Variants in KLF6 observed in about 807,000 individuals in gnomAD.
KLF6 encodes KLF transcription factor 6.
For missense variants in KLF6, 233 were observed against 359.8 expected (o/e 0.65, Z 2.85); for synonymous variants, 152 against 147.9 (o/e 1.03, Z -0.20).
chr10:3,779,271 T>C lies in KLF6; in HGVS notation c.*268A>G, dbSNP rs970537756. The C allele has an allele frequency of 3.2e-6, 2 of 628,634 alleles. No homozygotes were observed. Among genetic ancestry groups the C allele is most frequent in the South Asian group, 3.0e-5 (2 of 65,998 alleles). The allele number at this position is 628,634 out of a possible 1,614,324, so 38.9% of individuals were successfully genotyped here. A position where few individuals can be genotyped will look rare whatever the true frequency, so the allele number is the denominator to read the frequency against. ...AACCCAACCATTAGCATTCTCAGTG[T>C]GCATGCTCACGGCAAAGGCTTAGGC... On this transcript the variant is annotated 3_prime_UTR_variant, in exon 4 of 4. Transcript: ENST00000497571.
intron 1 of KLF6, 128 bp downstream of exon 1, chr10:3,784,785 C>T (rs1832612967): frequency 2.3e-6 from 2 of 858,004 alleles, no homozygotes; most frequent in East Asian, 3.3e-5. Flanking sequence ...GGGCGCTGCG[C>T]CCGCTCCCCC....
rs113758255 is a variant in KLF6 at position 3,781,711 on chromosome 10, G to A, written c.606C>T (p.Cys202=). The A allele has an allele frequency of 2.5e-5, 41 of 1,613,996 alleles. No individual in the cohort carries two copies. Among genetic ancestry groups the A allele is most frequent in the Admixed American group, 5.0e-5 (3 of 59,998 alleles). ...AAACTTTCCTGCAGCCGTTAAAGTG[G>A]CACCGGTGCACCCTCCTCCTGCCGT... The part of the protein sequence containing the change: ...SPDGRRRVHR[C]HFNGCRKVYT... Residue 202 remains cysteine, a synonymous_variant, in exon 2 of 4, where the codon TGC becomes TGT. Coordinates refer to ENST00000497571, the MANE Select transcript of KLF6 (RefSeq NM_001300.6). The surrounding 1 kb of genome is among the most constrained non-coding windows in gnomAD (Gnocchi z 5.8).
Position 3,778,384 on chromosome 10 carries a change from C to G in KLF6, c.*1155G>C, listed in dbSNP as rs987057140. The G allele has an allele frequency of 1.9e-6, 1 of 524,628 alleles. No individual in the cohort carries two copies. The highest frequency in any genetic ancestry group is 3.7e-6 in the Non-Finnish European group (1 of 270,330). 32.5% of individuals were successfully genotyped at this position (524,628 alleles called of 1,614,324 possible). Reference sequence around the variant, plus strand: ...AGAGAAACATAGCTGCATGAGAAAACAGTTTCTAAGCGTTAGTGGTTTTAT... The same window carrying G: ...AGAGAAACATAGCTGCATGAGAAAAGAGTTTCTAAGCGTTAGTGGTTTTAT... On this transcript the variant is annotated 3_prime_UTR_variant, in exon 4 of 4. Transcript: ENST00000497571.
At position 3,779,540 on chromosome 10, in the gene KLF6, C is replaced by T. The variant is rs758207310; in HGVS notation, c.851G>A (p.Ter284=). The change falls in exon 4 of 4, where the codon TGA becomes TAA. Residue 284 remains the stop codon, a stop_retained_variant. Coordinates refer to ENST00000497571, the MANE Select transcript of KLF6 (RefSeq NM_001300.6). The part of the protein sequence containing the change: ...HLALHMKRHL[*] ...TACAGGATCCACCTCTCTGCTCCCT[C>T]AGAGGTGCCTCTTCATGTGCAGGGC... The T allele has an allele frequency of 5.0e-6, 8 of 1,613,592 alleles. No individual in the cohort carries two copies. The South Asian group carries it at 6.6e-5, about 13-fold the overall frequency.
At position 3,781,566 on chromosome 10, in the gene KLF6, C is replaced by T. The variant is rs560902244; in HGVS notation, c.676+75G>A. ...TGACCACATCCTGTGCAGCCAGGCC[C>T]GGCTCCCTCCAGGGCTGGTGCAATG... On this transcript the variant is annotated intron_variant, in intron 2 of 3. Coordinates refer to ENST00000497571, the MANE Select transcript of KLF6 (RefSeq NM_001300.6). The surrounding 1 kb of genome is among the most constrained non-coding windows in gnomAD (Gnocchi z 5.8). The T allele has an allele frequency of 5.7e-6, 9 of 1,586,148 alleles. No individual in the cohort carries two copies. Among genetic ancestry groups the T allele is most frequent in the African/African-American group, 2.7e-5 (2 of 74,118 alleles).
rs1403309488 is a variant in KLF6 at position 3,778,011 on chromosome 10, G to A, written c.*1528C>T. 1 of 506,602 alleles carries A rather than the reference G, an allele frequency of 2.0e-6. No homozygotes were observed. Among genetic ancestry groups the A allele is most frequent in the Admixed American group, 2.3e-5 (1 of 44,016 alleles). 31.4% of individuals were successfully genotyped at this position (506,602 alleles called of 1,614,324 possible). On this transcript the variant is annotated 3_prime_UTR_variant, in exon 4 of 4. Transcript: ENST00000497571. ...GTGATCTATACAATTGTTGTGCAAG[G>A]TCTATATGAAAGTCTCAAGGTGGCA...
Position 3,782,664 on chromosome 10 carries a change from A to G in KLF6, c.103-450T>C, listed in dbSNP as rs998936799. ...GCCATCCACCCTTCACACTCCACAG[A>G]TACCCACACAGGACAGAAAGACTGC... On this transcript the variant is annotated intron_variant, in intron 1 of 3. Transcript: ENST00000497571. This position sits in a 1 kb window ranked among gnomAD's most constrained non-coding sequence, Gnocchi z 4.3. 1.3e-5 allele frequency among the ~76,000 whole-genome samples: 2 copies of G among 152,212 alleles called. No individual in the cohort carries two copies. Among genetic ancestry groups the G allele is most frequent in the African/African-American group, 4.8e-5 (2 of 41,452 alleles).
chr10:3,776,125 TGGCAG>T lies in KLF6; in HGVS notation c.*3409_*3413del, dbSNP rs1832366243. On this transcript the variant is annotated 3_prime_UTR_variant, in exon 4 of 4. Transcript: ENST00000497571. ...CCCAGACATGCCTCAGCCAGGTGTG[TGGCAG>T]GGCTGGCTGGGGAAGGTAGGCCCAG... 1.9e-6 allele frequency: 1 copy of T among 529,790 alleles called. No homozygotes were observed. The highest frequency in any genetic ancestry group is 1.9e-5 in the African/African-American group (1 of 53,556). 32.8% of individuals were successfully genotyped at this position (529,790 alleles called of 1,614,324 possible).
At position 3,778,141 on chromosome 10, in the gene KLF6, A is replaced by G. The variant is rs1453434526; in HGVS notation, c.*1398T>C. The G allele has an allele frequency of 1.9e-6, 1 of 519,228 alleles. No individual in the cohort carries two copies. Among genetic ancestry groups the G allele is most frequent in the Non-Finnish European group, 3.7e-6 (1 of 266,802 alleles). The allele number at this position is 519,228 out of a possible 1,614,324, so 32.2% of individuals were successfully genotyped here. ...TGACATGTAAAGGGAGTTTCACTCT[A>G]TGTCTTTGTGAAGGAGGACCTTAAA... On this transcript the variant is annotated 3_prime_UTR_variant, in exon 4 of 4. Coordinates refer to ENST00000497571, the MANE Select transcript of KLF6 (RefSeq NM_001300.6).
At position 3,785,069 on chromosome 10, in the gene KLF6, G is replaced by A; in HGVS notation, c.-55C>T. ...CGCGAGGGCGGCGAGGCGCGCGGTG[G>A]GAGCCGGAGCCGAAAGTCTCCCCGG... On this transcript the variant is annotated 5_prime_UTR_variant, in exon 1 of 4. Transcript: ENST00000497571. 6.2e-7 allele frequency: 1 copy of A among 1,605,616 alleles called. No homozygotes were observed. Among genetic ancestry groups the A allele is most frequent in the Non-Finnish European group, 8.5e-7 (1 of 1,176,872 alleles).
At position 3,778,891 on chromosome 10, in the gene KLF6, AT is replaced by A. The variant is rs1564293934; in HGVS notation, c.*647del. 3.7e-6 allele frequency: 2 copies of A among 534,360 alleles called. No homozygotes were observed. The highest frequency in any genetic ancestry group is 3.6e-6 in the Non-Finnish European group (1 of 276,454). 33.1% of individuals were successfully genotyped at this position (534,360 alleles called of 1,614,324 possible). ...AAACAAGCTACTTGACACATTGCAC[AT>A]TTAATAGCTGCACCAGACACTAAGA... On this transcript the variant is annotated 3_prime_UTR_variant, in exon 4 of 4. Transcript: ENST00000497571.
chr10:3,779,014 T>G lies in KLF6; in HGVS notation c.*525A>C. ...TTCCCACGCCCACCCTCCAAGATTTTCCTTCTTTTTTTGTTTTTGTTTTTT... is the reference window on the plus strand; with the variant it reads ...TTCCCACGCCCACCCTCCAAGATTTGCCTTCTTTTTTTGTTTTTGTTTTTT... On this transcript the variant is annotated 3_prime_UTR_variant, in exon 4 of 4. Coordinates refer to ENST00000497571, the MANE Select transcript of KLF6 (RefSeq NM_001300.6). The G allele has an allele frequency of 1.9e-6, 1 of 530,106 alleles. No homozygotes were observed. The highest frequency in any genetic ancestry group is 1.6e-5 in the South Asian group (1 of 63,780). 32.8% of individuals were successfully genotyped at this position (530,106 alleles called of 1,614,324 possible).
At position 3,782,715 on chromosome 10, in the gene KLF6, C is replaced by T. The variant is rs548690669; in HGVS notation, c.103-501G>A. 6.6e-6 allele frequency among the ~76,000 whole-genome samples: 1 copy of T among 152,348 alleles called. No homozygotes were observed. The highest frequency in any genetic ancestry group is 1.5e-5 in the Non-Finnish European group (1 of 68,026). ...ACGGCACACAGCGTGTTCTGAGGGA[C>T]CCCCTTGGGGACACGGCTGACAACA... On this transcript the variant is annotated intron_variant, in intron 1 of 3. Coordinates refer to ENST00000497571, the MANE Select transcript of KLF6 (RefSeq NM_001300.6). The surrounding 1 kb of genome is among the most constrained non-coding windows in gnomAD (Gnocchi z 4.3).
At position 3,780,529 on chromosome 10, in the gene KLF6, T is replaced by G; in HGVS notation, c.677-300A>C. On this transcript the variant is annotated intron_variant, in intron 2 of 3. Transcript: ENST00000497571. This position sits in a 1 kb window ranked among gnomAD's most constrained non-coding sequence, Gnocchi z 4.6. The stretch of plus-strand genomic sequence containing the variant: ...CCAGCAAAATGCTTGCGGGATGAGG[T>G]GTCAGCCTGCCGGACCCACAGCCCC... 2.2e-6 allele frequency: 1 copy of G among 461,792 alleles called. No individual in the cohort carries two copies. Among genetic ancestry groups the G allele is most frequent in the Non-Finnish European group, 4.0e-6 (1 of 248,414 alleles). 28.6% of individuals were successfully genotyped at this position (461,792 alleles called of 1,614,324 possible).
At position 3,781,827 on chromosome 10, in the gene KLF6, A is replaced by G. The variant is rs1832529658; in HGVS notation, c.490T>C (p.Cys164Arg). The change falls in exon 2 of 4, where the codon TGC becomes CGC. Residue 164 changes from cysteine to arginine, a missense_variant. By Grantham distance (180) the Cys-to-Arg change is radical (BLOSUM62 -3). Transcript: ENST00000497571. The surrounding 1 kb of genome is among the most constrained non-coding windows in gnomAD (Gnocchi z 5.8). ...GGCGAGGGCAGCTCCCCGGGCACGC[A>G]ACCCCACAGTTGAGAAGGTTCCCTG... is the stretch of plus-strand genomic sequence containing the variant. ...LSREPSQLWG[C>R]VPGELPSPGK... 6.2e-7 allele frequency: 1 copy of G among 1,614,204 alleles called. No individual in the cohort carries two copies. Among genetic ancestry groups the G allele is most frequent in the African/African-American group, 1.3e-5 (1 of 75,062 alleles).
rs959863895 is a variant in KLF6, at chr10:3,779,324, C to T, written c.*215G>A. ...CGCTCGGAAGGGCGGGTACCAGTGG[C>T]GAGTCCAGGGTCACCCACATACCAT... On this transcript the variant is annotated 3_prime_UTR_variant, in exon 4 of 4. Coordinates refer to ENST00000497571, the MANE Select transcript of KLF6 (RefSeq NM_001300.6). 1.9e-5 allele frequency: 13 copies of T among 672,110 alleles called. No homozygotes were observed. The highest frequency in any genetic ancestry group is 7.1e-5 in the African/African-American group (4 of 56,698). The allele number at this position is 672,110 out of a possible 1,614,324, so 41.6% of individuals were successfully genotyped here.
At position 3,779,487 on chromosome 10, in the gene KLF6, C is replaced by T. The variant is rs776194116; in HGVS notation, c.*52G>A. ...GAACACGCATCCCTCCTTCCACGGC[C>T]GGCTCTCAGCCTGGAAGCCTTTTAG... On this transcript the variant is annotated 3_prime_UTR_variant, in exon 4 of 4. Coordinates refer to ENST00000497571, the MANE Select transcript of KLF6 (RefSeq NM_001300.6). 3.2e-5 allele frequency: 47 copies of T among 1,487,562 alleles called. No homozygotes were observed. The highest frequency in any genetic ancestry group is 1.7e-4 in the Middle Eastern group (1 of 5,832). 92.1% of individuals were successfully genotyped at this position (1,487,562 alleles called of 1,614,324 possible). A position where few individuals can be genotyped will look rare whatever the true frequency, so the allele number is the denominator to read the frequency against.
Position 3,779,435 on chromosome 10 carries a change from A to C in KLF6, c.*104T>G. ...GGAGAGGCCCTGGAGGCAACTGGGT[A>C]GGGTGCAGAACGGCATGCTTTGGCT... On this transcript the variant is annotated 3_prime_UTR_variant, in exon 4 of 4. Transcript: ENST00000497571. 1 of 984,694 alleles carries C rather than the reference A, an allele frequency of 1.0e-6. No homozygotes were observed. The highest frequency in any genetic ancestry group is 1.6e-6 in the Non-Finnish European group (1 of 616,440). 61.0% of individuals were successfully genotyped at this position (984,694 alleles called of 1,614,324 possible).
rs1453250381 is a variant in KLF6, at chr10:3,780,490, G to A, written c.677-261C>T. ...GTCATCAAAGTTAACGTGGAAGAAC[G>A]ACCACGACTCAGACCAGCAAAATGC... On this transcript the variant is annotated intron_variant, in intron 2 of 3. Coordinates refer to ENST00000497571, the MANE Select transcript of KLF6 (RefSeq NM_001300.6). The surrounding 1 kb of genome is among the most constrained non-coding windows in gnomAD (Gnocchi z 4.6). 19 of 531,916 alleles carry A rather than the reference G, an allele frequency of 3.6e-5. No homozygotes were observed. Among genetic ancestry groups the A allele is most frequent in the Admixed American group, 9.0e-5 (3 of 33,470 alleles). 32.9% of individuals were successfully genotyped at this position (531,916 alleles called of 1,614,324 possible).
Sources: allele counts gnomAD v4.1 joint callset (sites outside exome capture counted in the v4.1 genomes callset), GRCh38; gene constraint gnomAD v4.1.1; non-coding constraint Gnocchi (gnomAD v3.1); transcripts MANE v1.5; gene names NCBI Gene and HGNC (gene_info 2026-07-23, HGNC 2026-07-21).